DIP2C: variants seen among roughly 807,000 people sequenced by gnomAD.
DIP2C encodes the protein DIP2 acetate--CoA ligase C (putative).
Under a neutral mutation model 192.4 loss-of-function variants are expected in DIP2C, and 33 were observed. The ratio of observed to expected loss-of-function variants is 0.17; its 90% CI spans 0.13 to 0.23. The LOEUF is 0.23. Among genes scored for constraint, DIP2C ranks in the 10% least tolerant of loss-of-function variants. DIP2C has a pLI of 1.00. For missense variants in DIP2C, 1,537 were observed against 2,110.1 expected (o/e 0.73, Z 5.32); for synonymous variants, 979 against 864.1 (o/e 1.13, Z -2.33).
chr10:647,963 C>T (rs1855565996), intron 1 of DIP2C, among the ~76,000 whole-genome samples: 1 of 151,488 alleles, frequency 6.6e-6, no homozygotes, highest in Non-Finnish European at 1.5e-5. Context: ...CAGAGGGAAA[C>T]TGAGTCCACA....
chr10:524,855 C>T (rs917259890), intron 1 of DIP2C, among the ~76,000 whole-genome samples: 3 of 151,334 alleles, frequency 2.0e-5, no homozygotes, highest in African/African-American at 4.9e-5. Flanking sequence ...TATTTTAAAG[C>T]GTAATGATGT....
At chr10:344,111 G>A (rs1958293842) in intron 28 of DIP2C, among the ~76,000 whole-genome samples, 1 of 152,230 alleles carries the variant, frequency 6.6e-6, no homozygotes, top group Non-Finnish European at 1.5e-5. Context: ...GAAACGGTAT[G>A]ACTGGAAGCA....
chr10:563,946 G>C (rs1341058571), intron 1 of DIP2C, among the ~76,000 whole-genome samples: 1 of 152,214 alleles, frequency 6.6e-6, no homozygotes, highest in African/African-American at 2.4e-5. Context: ...GGGAATCGAT[G>C]CTGAATTTGA....
In DIP2C at chr10:579,564, CTA is replaced by C. The variant is rs887932916; in HGVS notation, c.86-93036_86-93035del. 6.2e-4 allele frequency among the ~76,000 whole-genome samples: 94 copies of C among 152,094 alleles called. 1 individual carries two copies. The highest frequency in any genetic ancestry group is 2.2e-3 in the African/African-American group (92 of 41,430). ...CATAAAGTGTACATACATAGGTACA[CTA>C]TAACACATGCGTACATGCATAGAGC... On this transcript the variant is annotated intron_variant, in intron 1 of 36. Coordinates refer to ENST00000280886, the MANE Select transcript of DIP2C (RefSeq NM_014974.3).
chr10:275,715 A>G lies in DIP2C; in HGVS notation c.*1610T>C, dbSNP rs1225364937. ...AGAACACATCTTTCTCGGAGTGCAGATGCTCCTTCTTGGTTGGACACCGTG... is the reference window on the plus strand; with the variant it reads ...AGAACACATCTTTCTCGGAGTGCAGGTGCTCCTTCTTGGTTGGACACCGTG... On this transcript the variant is annotated 3_prime_UTR_variant, in exon 37 of 37. Coordinates refer to ENST00000280886, the MANE Select transcript of DIP2C (RefSeq NM_014974.3). The G allele has an allele frequency of 6.6e-6, 1 of 152,098 alleles. No homozygotes were observed. Among genetic ancestry groups the G allele is most frequent in the Admixed American group, 6.6e-5 (1 of 15,260 alleles). The allele number at this position is 152,098 out of a possible 1,614,324, so 9.4% of individuals were successfully genotyped here. A position where few individuals can be genotyped will look rare whatever the true frequency, so the allele number is the denominator to read the frequency against.
At chr10:471,272 TCTC>T (rs1286384979) in intron 3 of DIP2C, among the ~76,000 whole-genome samples, 5 of 151,828 alleles carry the variant, frequency 3.3e-5, no homozygotes, top group East Asian at 3.9e-4. Context: ...GGCCATAAAA[TCTC>T]CTCTCCAGAA....
chr10:416,142 G>A (rs1257698875), intron 6 of DIP2C, among the ~76,000 whole-genome samples: 2 of 151,996 alleles, frequency 1.3e-5, no homozygotes, highest in African/African-American at 4.8e-5. Flanking sequence ...ATGCTGGGAG[G>A]AGCCTCAGGG....
chr10:645,823 A>C (rs959619811), intron 1 of DIP2C, among the ~76,000 whole-genome samples: 3 of 152,186 alleles, frequency 2.0e-5, no homozygotes, highest in African/African-American at 7.2e-5. Flanking sequence ...TCTGTAATGT[A>C]ATAATAGAGC....
chr10:380,365 G>A lies in DIP2C; in HGVS notation c.1991+2282C>T, dbSNP rs370415700. 3.4e-4 allele frequency among the ~76,000 whole-genome samples: 51 copies of A among 150,672 alleles called. 1 individual carries two copies. The highest frequency in any genetic ancestry group is 3.4e-3 in the Middle Eastern group (1 of 290). ...GCTGTCCCTGGAAGATGGTTAACGCGCAGAAGAGGCTGTCCCTGGATGATG... is the reference window on the plus strand; with the variant it reads ...GCTGTCCCTGGAAGATGGTTAACGCACAGAAGAGGCTGTCCCTGGATGATG... On this transcript the variant is annotated intron_variant, in intron 17 of 36. Coordinates refer to ENST00000280886, the MANE Select transcript of DIP2C (RefSeq NM_014974.3).
At chr10:279,607 C>T (rs949811632) in intron 36 of DIP2C, among the ~76,000 whole-genome samples, 2 of 152,216 alleles carry the variant, frequency 1.3e-5, no homozygotes, top group East Asian at 1.9e-4. Flanking sequence ...GTGTCACAGC[C>T]GCATTTCTCA....
chr10:585,987 G>A (rs1230241799), intron 1 of DIP2C, among the ~76,000 whole-genome samples: 1 of 152,298 alleles, frequency 6.6e-6, no homozygotes, highest in South Asian at 2.1e-4. Context: ...GCTTCTTGCA[G>A]TGTCTCAACG....
intron 10 of DIP2C, among the ~76,000 whole-genome samples, chr10:396,853 C>A (rs950106575): frequency 8.0e-5 from 8 of 99,438 alleles, no homozygotes; most frequent in South Asian, 3.4e-4. Context: ...GGCTGCAAAT[C>A]CGGTGGGGGG....
At chr10:317,491 G>A (rs1313779109) in intron 31 of DIP2C, among the ~76,000 whole-genome samples, 1 of 152,236 alleles carries the variant, frequency 6.6e-6, no homozygotes, top group African/African-American at 2.4e-5. Flanking sequence ...AAGCCACAGA[G>A]CAGATGAAAG....
intron 1 of DIP2C, among the ~76,000 whole-genome samples, chr10:571,429 C>G (rs1849803511): frequency 6.6e-6 from 1 of 152,074 alleles, no homozygotes; most frequent in South Asian, 2.1e-4. Flanking sequence ...ATTTCCCAGG[C>G]TCCTGCCCAC....
At chr10:650,131 C>T in intron 1 of DIP2C, 1 of 717,334 alleles carries the variant, frequency 1.4e-6, no homozygotes, top group South Asian at 1.5e-5. Context: ...CCCGTTGGGA[C>T]AAGGACCCCC....
intron 4 of DIP2C, among the ~76,000 whole-genome samples, chr10:439,718 GA>G (rs1441246285): frequency 1.3e-5 from 2 of 150,450 alleles, no homozygotes; most frequent in Non-Finnish European, 2.9e-5. Context: ...GTATAAAGGT[GA>G]ATACTCAGGA....
intron 1 of DIP2C, among the ~76,000 whole-genome samples, chr10:593,493 C>A (rs545716258): frequency 1.6e-5 from 2 of 125,224 alleles, no homozygotes; most frequent in Non-Finnish European, 3.4e-5. Context: ...GGACCCCCCC[C>A]CCCCCACCCT....
chr10:598,271 C>T (rs117743369), intron 1 of DIP2C, among the ~76,000 whole-genome samples: 3,913 of 151,888 alleles, frequency 0.026, 84 homozygotes, highest in Non-Finnish European at 0.037. Context: ...AGGTGAAAGC[C>T]GGCACCGGCC....
intron 1 of DIP2C, among the ~76,000 whole-genome samples, chr10:523,147 T>TGG (rs1846816578): frequency 8.4e-5 from 8 of 94,954 alleles, no homozygotes; most frequent in South Asian, 7.3e-4. Flanking sequence ...GTTTCTACCT[T>TGG]ACACAAATGA....
Sources: gnomAD v4.1 joint callset for allele counts (sites outside exome capture counted in the v4.1 genomes callset) on GRCh38, gnomAD v4.1.1 for gene constraint, MANE v1.5 for transcripts, NCBI Gene and HGNC (gene_info 2026-07-23, HGNC 2026-07-21) for gene names.